The following NAV3 variants were observed in gnomAD, a reference collection of about 807,000 sequenced individuals.
NAV3 encodes the protein pore membrane and/or filament interacting like protein 1.
A neutral mutation model predicts 244.7 loss-of-function variants in NAV3; 87 were observed. The ratio of observed to expected loss-of-function variants is 0.36; its 90% CI spans 0.30 to 0.42. The LOEUF is 0.42. Ranked by LOEUF, NAV3 falls within the 20% of genes least tolerant of loss-of-function variation. The pLI is 1.00. For missense variants in NAV3, 2,663 were observed against 2,893.3 expected (o/e 0.92, Z 1.83); for synonymous variants, 1,126 against 1,042.2 (o/e 1.08, Z -1.55).
rs12308978 is a variant in NAV3 at position 78,049,920 on chromosome 12, A to G, written c.2024-73A>G. ...TTTACTTTTAAGAAGAGGTGACTTA[A>G]TTATCTAGGTATACAATTATTTTGA... On this transcript the variant is annotated intron_variant, in intron 9 of 39. Coordinates refer to ENST00000397909, the MANE Select transcript of NAV3 (RefSeq NM_001024383.2). The G allele has an allele frequency of 0.029, 27,552 of 937,982 alleles. 3,662 individuals carry two copies. In the African/African-American group the frequency reaches 0.34, roughly 12 times the overall value. The allele number at this position is 937,982 out of a possible 1,614,324, so 58.1% of individuals were successfully genotyped here. A position where few individuals can be genotyped will look rare whatever the true frequency, so the allele number is the denominator to read the frequency against.
At chr12:78,123,298 G>A (rs1001894043) in intron 16 of NAV3, among the ~76,000 whole-genome samples, 12 of 151,996 alleles carry the variant, frequency 7.9e-5, no homozygotes, top group South Asian at 2.1e-4. Context: ...TACTGGTCAC[G>A]TAAAATACCT....
intron 2 of NAV3, among the ~76,000 whole-genome samples, chr12:77,623,120 A>G (rs1036204366): frequency 2.6e-5 from 4 of 152,246 alleles, no homozygotes; most frequent in Non-Finnish European, 5.9e-5. Context: ...GTCTTGGTAT[A>G]GGATGGACTG....
chr12:78,193,608 G>A (rs563646391), intron 34 of NAV3, among the ~76,000 whole-genome samples: 8 of 152,086 alleles, frequency 5.3e-5, no homozygotes, highest in South Asian at 2.1e-4. Flanking sequence ...TTTTAATGCC[G>A]GTGCATCAGT....
At chr12:77,899,832 A>G (rs940709828) in intron 1 of NAV3, among the ~76,000 whole-genome samples, 5 of 152,170 alleles carry the variant, frequency 3.3e-5, no homozygotes, top group Non-Finnish European at 7.3e-5. Flanking sequence ...CTTAATATCT[A>G]TTAGTAATAC....
At chr12:77,885,165 G>T (rs1227012930) in intron 1 of NAV3, among the ~76,000 whole-genome samples, 1 of 151,946 alleles carries the variant, frequency 6.6e-6, no homozygotes, top group African/African-American at 2.4e-5. Context: ...TCCTATATGG[G>T]TTAAGCAATT....
rs73140083 is a variant in NAV3, at chr12:77,873,138, C to T, written c.243+41434C>T. On this transcript the variant is annotated intron_variant, in intron 1 of 39. Transcript: ENST00000397909. ...TTATTTATATTTATACACTTTATTC[C>T]TTCTTCACCTTCCACCATGATTGTG... is the stretch of plus-strand genomic sequence containing the variant. Among the ~76,000 whole-genome samples the T allele has an allele frequency of 9.0e-3, 1,368 of 152,280 alleles. 19 individuals are homozygous for T. The highest frequency in any genetic ancestry group is 0.034 in the Middle Eastern group (10 of 294).
At chr12:77,983,553 C>T (rs982757223) in intron 5 of NAV3, among the ~76,000 whole-genome samples, 21 of 151,964 alleles carry the variant, frequency 1.4e-4, no homozygotes, top group Admixed American at 1.0e-3. Context: ...GGCTCCGGAG[C>T]CTAGGAGAGA....
At chr12:78,053,546 G>T in intron 11 of NAV3, among the ~76,000 whole-genome samples, 1 of 152,136 alleles carries the variant, frequency 6.6e-6, no homozygotes, top group East Asian at 1.9e-4. Flanking sequence ...AACTAAGGCC[G>T]GAATGAAGCT....
At chr12:77,770,541 A>G (rs139642197) in intron 2 of NAV3, among the ~76,000 whole-genome samples, 1 of 152,224 alleles carries the variant, frequency 6.6e-6, no homozygotes, top group Non-Finnish European at 1.5e-5. Flanking sequence ...AATGTGCCTT[A>G]GAGGCAGCTT....
At chr12:77,917,000 TAACTAGTCTTATA>T (rs1398383965) in intron 1 of NAV3, among the ~76,000 whole-genome samples, 22 of 152,130 alleles carry the variant, frequency 1.4e-4, no homozygotes, top group African/African-American at 3.6e-4. Flanking sequence ...AGTGTTAAAT[TAACTAGTCTTATA>T]AACTAGTCTT....
In NAV3 at chr12:78,127,147, G is replaced by T. The variant is rs886334339; in HGVS notation, c.4239-20G>T. ...GTTTTGTTTACATTATGTCCTTAGGGGTTTTCTTTGTTTTAACAGCATGCA... is the reference window on the plus strand; with the variant it reads ...GTTTTGTTTACATTATGTCCTTAGGTGTTTTCTTTGTTTTAACAGCATGCA... On this transcript the variant is annotated intron_variant, in intron 16 of 39. Transcript: ENST00000397909. 2 of 1,612,672 alleles carry T rather than the reference G, an allele frequency of 1.2e-6. No homozygotes were observed. The highest frequency in any genetic ancestry group is 3.3e-5 in the Admixed American group (2 of 59,902).
At chr12:78,153,152 AT>A (rs576727223) in intron 22 of NAV3, among the ~76,000 whole-genome samples, 62 of 152,110 alleles carry the variant, frequency 4.1e-4, no homozygotes, top group African/African-American at 1.4e-3. Context: ...AATAACTTGT[AT>A]TTTAATTTTT....
At chr12:77,601,302 T>C (rs1870419032) in intron 2 of NAV3, among the ~76,000 whole-genome samples, 1 of 151,990 alleles carries the variant, frequency 6.6e-6, no homozygotes, top group African/African-American at 2.4e-5. Flanking sequence ...AAAGCTCATG[T>C]ACTTTACAAT....
chr12:78,071,335 G>A, intron 12 of NAV3, among the ~76,000 whole-genome samples: 1 of 152,016 alleles, frequency 6.6e-6, no homozygotes, highest in Non-Finnish European at 1.5e-5. Context: ...GTGTTTTTTG[G>A]CTGCATAAAT....
intron 20 of NAV3, among the ~76,000 whole-genome samples, chr12:78,146,071 G>T (rs1031824512): frequency 1.3e-5 from 2 of 151,892 alleles, no homozygotes; most frequent in Non-Finnish European, 2.9e-5. Flanking sequence ...TTTGGTTTAT[G>T]TTGCTTATGA....
intron 2 of NAV3, among the ~76,000 whole-genome samples, chr12:77,810,867 A>G (rs954642086): frequency 1.3e-5 from 2 of 152,176 alleles, no homozygotes; most frequent in Admixed American, 1.3e-4. Context: ...TTGTCAAATC[A>G]GTTTTATTGT....
At chr12:77,835,507 G>GC (rs1390667319) in intron 1 of NAV3, among the ~76,000 whole-genome samples, 6 of 152,104 alleles carry the variant, frequency 3.9e-5, no homozygotes, top group African/African-American at 1.4e-4. Flanking sequence ...TTCAATTAGT[G>GC]CAAATGCCAT....
intron 9 of NAV3, among the ~76,000 whole-genome samples, chr12:78,044,789 A>T (rs183937230): frequency 6.6e-6 from 1 of 152,314 alleles, no homozygotes; most frequent in East Asian, 1.9e-4. Flanking sequence ...TTGTATCCTG[A>T]GACGTTGCTA....
chr12:77,631,462 A>C (rs1028880592), intron 2 of NAV3, among the ~76,000 whole-genome samples: 6 of 147,380 alleles, frequency 4.1e-5, no homozygotes, highest in African/African-American at 1.6e-4. Context: ...CATTATGTTA[A>C]TCTTTTGGAA....
Sources: allele counts gnomAD v4.1 joint callset (sites outside exome capture counted in the v4.1 genomes callset), GRCh38; gene constraint gnomAD v4.1.1; transcripts MANE v1.5; gene names NCBI Gene and HGNC (gene_info 2026-07-23, HGNC 2026-07-21).